TTC7A: variants seen among roughly 807,000 people sequenced by gnomAD.
TTC7A encodes the protein tetratricopeptide repeat domain 7A, also known as tetratricopeptide repeat protein 7A.
In TTC7A, 110 loss-of-function variants were observed where a neutral mutation model predicts 103.7. The ratio of observed to expected loss-of-function variants is 1.06; its 90% CI spans 0.91 to 1.24. The LOEUF (loss-of-function observed/expected upper bound fraction) is 1.24. Among genes scored for constraint, TTC7A ranks in the 50% most tolerant of loss-of-function variants. The pLI is 0.00. For missense variants in TTC7A, 1,340 were observed against 1,116.3 expected (o/e 1.20, Z -2.86); for synonymous variants, 521 against 467.9 (o/e 1.11, Z -1.47).
chr2:46,980,268 G>A (rs1487251491), intron 5 of TTC7A, among the ~76,000 whole-genome samples: 1 of 147,750 alleles, frequency 6.8e-6, no homozygotes, highest in Non-Finnish European at 1.5e-5. Context: ...CATCCAGGCT[G>A]GAGTGCAATG....
chr2:46,935,510 T>C (rs1054706666), intron 2 of TTC7A, among the ~76,000 whole-genome samples: 4 of 152,248 alleles, frequency 2.6e-5, no homozygotes, highest in Admixed American at 2.6e-4. Context: ...GTCAGGGTAG[T>C]GTTCTCCCTT....
chr2:47,028,983 TG>T (rs1407816867), intron 14 of TTC7A, among the ~76,000 whole-genome samples: 1 of 152,216 alleles, frequency 6.6e-6, no homozygotes, highest in African/African-American at 2.4e-5. Flanking sequence ...TGCTTCCTGG[TG>T]GCTGCCATGG....
Position 47,006,781 on chromosome 2 carries a change from A to T in TTC7A, c.1287+57A>T, listed in dbSNP as rs1038850674. The T allele has an allele frequency of 5.0e-6, 7 of 1,398,522 alleles. No homozygotes were observed. In the African/African-American group the frequency reaches 9.9e-5, roughly 20 times the overall value. 86.6% of individuals were successfully genotyped at this position (1,398,522 alleles called of 1,614,324 possible). A position where few individuals can be genotyped will look rare whatever the true frequency, so the allele number is the denominator to read the frequency against. The stretch of plus-strand genomic sequence containing the variant: ...CTCACCCGCAGGGGGCTCTGCTGAG[A>T]TGGACAGAGGGGCTTTTCTGGCCAG... On this transcript the variant is annotated intron_variant, in intron 10 of 19. Coordinates refer to ENST00000319190, the MANE Select transcript of TTC7A (RefSeq NM_020458.4).
chr2:47,055,666 C>T (rs1683253502), intron 18 of TTC7A, among the ~76,000 whole-genome samples: 1 of 152,122 alleles, frequency 6.6e-6, no homozygotes, highest in Non-Finnish European at 1.5e-5. Context: ...CCCTGGAGGT[C>T]CAAGGGCTCA....
intron 2 of TTC7A, among the ~76,000 whole-genome samples, chr2:46,930,210 T>G (rs1669619000): frequency 6.6e-6 from 1 of 152,146 alleles, no homozygotes; most frequent in Non-Finnish European, 1.5e-5. Context: ...AGAGGATCAT[T>G]ATAAACAAAA....
chr2:47,052,280 A>C (rs1280033492), intron 18 of TTC7A, among the ~76,000 whole-genome samples: 1 of 152,220 alleles, frequency 6.6e-6, no homozygotes, highest in Non-Finnish European at 1.5e-5. Context: ...GTTGCCATTC[A>C]GGTGACAGTC....
At chr2:46,996,627 A>T (rs1676214494) in intron 8 of TTC7A, among the ~76,000 whole-genome samples, 1 of 151,996 alleles carries the variant, frequency 6.6e-6, no homozygotes. Flanking sequence ...TAGGGTGTGG[A>T]TATTTGGATG....
chr2:46,952,078 A>G (rs898158360), intron 2 of TTC7A, among the ~76,000 whole-genome samples: 1 of 152,190 alleles, frequency 6.6e-6, no homozygotes, highest in African/African-American at 2.4e-5. Context: ...AGACTGGAAC[A>G]CCAGGCCAGG....
At chr2:46,980,653 G>T (rs1458056303) in intron 5 of TTC7A, among the ~76,000 whole-genome samples, 1 of 152,172 alleles carries the variant, frequency 6.6e-6, no homozygotes. Flanking sequence ...GCTTGATCTG[G>T]GCCCTGGCTG....
Position 47,074,045 on chromosome 2 carries a change from C to T in TTC7A, c.*122C>T, listed in dbSNP as rs1295998992. On this transcript the variant is annotated 3_prime_UTR_variant, in exon 20 of 20. Coordinates refer to ENST00000319190, the MANE Select transcript of TTC7A (RefSeq NM_020458.4). Reference sequence around the variant, plus strand: ...CTCAGGGAAATACATCTTTAGTGAACGCCTCTGCAGCTGCAGCCCTCGTTC... The same window carrying T: ...CTCAGGGAAATACATCTTTAGTGAATGCCTCTGCAGCTGCAGCCCTCGTTC... 2.2e-5 allele frequency: 16 copies of T among 717,746 alleles called. No homozygotes were observed. Among genetic ancestry groups the T allele is most frequent in the Admixed American group, 1.1e-4 (4 of 37,474 alleles). 44.5% of individuals were successfully genotyped at this position (717,746 alleles called of 1,614,324 possible).
At chr2:47,053,381 G>A (rs1486650014) in intron 18 of TTC7A, among the ~76,000 whole-genome samples, 1 of 152,192 alleles carries the variant, frequency 6.6e-6, no homozygotes, top group African/African-American at 2.4e-5. Flanking sequence ...CCACAGCTTC[G>A]CACCCATGAT....
chr2:46,996,189 A>T (rs1676161300), intron 8 of TTC7A, among the ~76,000 whole-genome samples: 1 of 152,174 alleles, frequency 6.6e-6, no homozygotes, highest in Admixed American at 6.5e-5. Context: ...TGAAGGATGG[A>T]CTGGACTGGT....
At chr2:46,955,559 C>T (rs1036294) in intron 2 of TTC7A, among the ~76,000 whole-genome samples, 98,996 of 151,988 alleles carry the variant, frequency 0.65, 33,192 homozygotes, top group East Asian at 0.81. Context: ...TAGAAGAGGA[C>T]CTGGTTAGGC....
At chr2:46,957,539 T>C (rs536962075) in intron 3 of TTC7A, among the ~76,000 whole-genome samples, 1 of 152,212 alleles carries the variant, frequency 6.6e-6, no homozygotes, top group Non-Finnish European at 1.5e-5. Context: ...GACCCAGTGA[T>C]GAACAGGTCA....
chr2:46,931,581 G>A (rs989299106), intron 2 of TTC7A, among the ~76,000 whole-genome samples: 3 of 152,138 alleles, frequency 2.0e-5, no homozygotes, highest in Non-Finnish European at 2.9e-5. Flanking sequence ...CTTTGAAGAT[G>A]TAGAAAGGGG....
In TTC7A at chr2:46,947,148, C is replaced by T. The variant is rs545706294; in HGVS notation, c.185-3215C>T. On this transcript the variant is annotated intron_variant, in intron 1 of 19. Coordinates refer to ENST00000319190, the MANE Select transcript of TTC7A (RefSeq NM_020458.4). ...TTTATTTTGAAATTACCAGCAGCTC[C>T]GCTGTGCATGGGTTGCAGGAGAGAC... is the stretch of plus-strand genomic sequence containing the variant. 4.6e-5 allele frequency among the ~76,000 whole-genome samples: 7 copies of T among 152,260 alleles called. No homozygotes were observed. In the East Asian group the frequency reaches 5.8e-4, roughly 13 times the overall value.
Position 46,941,577 on chromosome 2 carries a change from G to C in TTC7A, c.36G>C (p.Lys12Asn), listed in dbSNP as rs1187105862. 6.4e-7 allele frequency: 1 copy of C among 1,557,656 alleles called. No homozygotes were observed. Among genetic ancestry groups the C allele is most frequent in the South Asian group, 1.2e-5 (1 of 84,492 alleles). ...AAKGAHGSYLKVESELERCRA... is the reference protein window; with the variant it reads ...AAKGAHGSYLNVESELERCRA... ...AGGGCGCGCACGGCTCCTACCTGAA[G>C]GTGGAGAGCGAGCTGGAGCGCTGCC... Residue 12 changes from lysine to asparagine, a missense_variant, in exon 1 of 20, where the codon AAG becomes AAC. Lys to Asn is a moderately conservative substitution (Grantham distance 94). Coordinates refer to ENST00000319190, the MANE Select transcript of TTC7A (RefSeq NM_020458.4). The surrounding 1 kb of genome is among the most constrained non-coding windows in gnomAD (Gnocchi z 4.2).
At chr2:47,072,073 A>C (rs1284906077) in intron 19 of TTC7A, among the ~76,000 whole-genome samples, 1 of 152,036 alleles carries the variant, frequency 6.6e-6, no homozygotes, top group Non-Finnish European at 1.5e-5. Flanking sequence ...GCCGTGTTCC[A>C]TTGTGAGCTG....
At chr2:46,963,377 A>G (rs566961648) in intron 3 of TTC7A, among the ~76,000 whole-genome samples, 54 of 152,248 alleles carry the variant, frequency 3.5e-4, no homozygotes, top group Non-Finnish European at 6.8e-4. Flanking sequence ...GGCATAGGCC[A>G]GTATCCTGAA....
Sources: gnomAD v4.1 joint callset for allele counts (sites outside exome capture counted in the v4.1 genomes callset) on GRCh38, gnomAD v4.1.1 for gene constraint, Gnocchi (gnomAD v3.1) non-coding constraint, MANE v1.5 for transcripts, NCBI Gene and HGNC (gene_info 2026-07-23, HGNC 2026-07-21) for gene names.